The following COL4A4 variants were observed in gnomAD, a reference collection of about 807,000 sequenced individuals.
COL4A4 encodes collagen alpha-4(IV) chain.
A neutral mutation model predicts 192.9 loss-of-function variants in COL4A4; 105 were observed. That is an observed-to-expected ratio of 0.54 (90% CI 0.46 to 0.64). The LOEUF (loss-of-function observed/expected upper bound fraction) is 0.64. Among genes scored for constraint, COL4A4 ranks in the 30% least tolerant of loss-of-function variants. The pLI is 0.00. For synonymous variants in COL4A4, 762 were observed against 769.9 expected (o/e 0.99, Z 0.17); for missense variants, 1,967 against 2,169.3 (o/e 0.91, Z 1.85).
chr2:226,970,433 T>G, the COL4A4 span, among the ~76,000 whole-genome samples: 1 of 152,202 alleles, frequency 6.6e-6, no homozygotes, highest in Non-Finnish European at 1.5e-5. Context: ...GATATGAGTC[T>G]CATGATATGG....
chr2:227,042,378 T>C, intron 36 of COL4A4, 123 bp from the exon 37 acceptor site: 3 of 680,916 alleles, frequency 4.4e-6, no homozygotes, highest in South Asian at 1.6e-5. Flanking sequence ...TTTTTCTTCC[T>C]ATACATCTTA....
rs758988774 is a variant in COL4A4 at position 227,047,426 on chromosome 2, C to A, written c.3289+49G>T. ...AGCTAGAAGTAATTGTTCTGCTTTTCAAACTAAACTACTTTTTTTGTTTTA... is the reference window on the plus strand; with the variant it reads ...AGCTAGAAGTAATTGTTCTGCTTTTAAAACTAAACTACTTTTTTTGTTTTA... On this transcript the variant is annotated intron_variant, in intron 35 of 47. Coordinates refer to ENST00000396625, the MANE Select transcript of COL4A4 (RefSeq NM_000092.5). 2.2e-6 allele frequency: 3 copies of A among 1,351,782 alleles called. No homozygotes were observed. The African/African-American group carries it at 4.3e-5, about 19-fold the overall frequency. The allele number at this position is 1,351,782 out of a possible 1,614,324, so 83.7% of individuals were successfully genotyped here.
intron 1 of COL4A4, among the ~76,000 whole-genome samples, chr2:227,156,793 T>C (rs2064390531): frequency 6.6e-6 from 1 of 152,124 alleles, no homozygotes; most frequent in South Asian, 2.1e-4. Context: ...CAGGAAGCTA[T>C]AAATATTAAT....
intron 20 of COL4A4, among the ~76,000 whole-genome samples, chr2:227,090,990 C>A (rs1406690645): frequency 6.7e-6 from 1 of 149,962 alleles, no homozygotes; most frequent in Non-Finnish European, 1.5e-5. Flanking sequence ...GGAATAAGAA[C>A]AACAGTGAGG....
chr2:227,109,019 T>C, intron 10 of COL4A4, 151 bp from the exon 11 acceptor site: 2 of 930,226 alleles, frequency 2.2e-6, no homozygotes, highest in South Asian at 1.3e-5. Context: ...TGGGCTGTTT[T>C]CTGTGAAGAT....
intron 25 of COL4A4, among the ~76,000 whole-genome samples, chr2:227,068,155 A>G (rs2058468695): frequency 6.7e-6 from 1 of 149,708 alleles, no homozygotes. Context: ...ACACTCTCCC[A>G]AGACTAAACC....
chr2:227,154,136 T>G (rs969851693), intron 1 of COL4A4, among the ~76,000 whole-genome samples: 1 of 152,222 alleles, frequency 6.6e-6, no homozygotes, highest in Admixed American at 6.5e-5. Flanking sequence ...ATTTCCAGCA[T>G]GTACATTCAG....
downstream of COL4A4, among the ~76,000 whole-genome samples, chr2:226,999,926 A>G (rs1479507582): frequency 1.3e-5 from 2 of 152,176 alleles, no homozygotes; most frequent in Non-Finnish European, 2.9e-5. Flanking sequence ...TTCTCTCACT[A>G]TTTCCCCCTT....
intron 9 of COL4A4, 132 bp downstream of exon 9, chr2:227,111,545 CA>C: frequency 1.1e-6 from 1 of 950,120 alleles, no homozygotes. Flanking sequence ...AATTTTTGAA[CA>C]GGGAACCCAC....
At chr2:227,033,548 C>A in intron 37 of COL4A4, 67 bp from the exon 38 acceptor site, 1 of 1,397,952 alleles carries the variant, frequency 7.2e-7, no homozygotes, top group Non-Finnish European at 1.0e-6. Flanking sequence ...TAGCCACAAA[C>A]GCAGGCACTG....
rs2060621705 is a variant in COL4A4, at chr2:227,103,158, G to T, written c.856C>A (p.Pro286Thr). Residue 286 changes from proline to threonine, a missense_variant, in exon 14 of 48, where the codon CCA (proline) becomes ACA (threonine). By Grantham distance (38) the Pro-to-Thr change is conservative (BLOSUM62 -1). Coordinates refer to ENST00000396625, the MANE Select transcript of COL4A4 (RefSeq NM_000092.5). ...GIPGMVGLPG[P>T]PGRKGESGIG... ...AAATAAACTACCTTGCGTCCTGGTG[G>T]TCCTGGCAGTCCAACCATTCCAGGA... The T allele has an allele frequency of 6.2e-7, 1 of 1,611,914 alleles. No individual in the cohort carries two copies. Among genetic ancestry groups the T allele is most frequent in the Non-Finnish European group, 8.5e-7 (1 of 1,179,242 alleles).
In COL4A4 at chr2:227,114,597, T is replaced by A. The variant is rs374898945; in HGVS notation, c.558+31A>T. ...GGGCTTACCTATTTGGAAGAAAAAA[T>A]TTTTTAACCCATCATGATCATAATA... On this transcript the variant is annotated intron_variant, in intron 8 of 47. Transcript: ENST00000396625. 362 of 1,592,586 alleles carry A rather than the reference T, an allele frequency of 2.3e-4. 1 individual carries two copies. The African/African-American group carries it at 3.2e-3, about 14-fold the overall frequency.
At chr2:226,991,822 A>G in the COL4A4 span, among the ~76,000 whole-genome samples, 1 of 152,200 alleles carries the variant, frequency 6.6e-6, no homozygotes, top group African/African-American at 2.4e-5. Context: ...AGGACCCTGG[A>G]AGTCCCCTTT....
At chr2:227,158,911 A>G (rs2064574432) in intron 1 of COL4A4, among the ~76,000 whole-genome samples, 1 of 152,208 alleles carries the variant, frequency 6.6e-6, no homozygotes, top group African/African-American at 2.4e-5. Flanking sequence ...TATTTCTTTT[A>G]TAATTAAATG....
At chr2:227,088,320 G>A (rs1348510512) in intron 22 of COL4A4, among the ~76,000 whole-genome samples, 2 of 152,094 alleles carry the variant, frequency 1.3e-5, no homozygotes, top group African/African-American at 2.4e-5. Flanking sequence ...GTTGAGGGAG[G>A]GACCTGGTAG....
chr2:227,032,737 A>G lies in COL4A4; in HGVS notation c.3578-461T>C, dbSNP rs372143656. The stretch of plus-strand genomic sequence containing the variant: ...TCTACTAAATGAATCTTAAGTGACT[A>G]TATTACTGGATCTTCCAAACTAGAA... On this transcript the variant is annotated intron_variant, in intron 38 of 47. Transcript: ENST00000396625. Among the ~76,000 whole-genome samples, 13 of 152,320 alleles carry G rather than the reference A, an allele frequency of 8.5e-5. No homozygotes were observed. In the East Asian group the frequency reaches 2.3e-3, roughly 27 times the overall value.
the COL4A4 span, among the ~76,000 whole-genome samples, chr2:226,992,191 G>T: frequency 6.6e-6 from 1 of 152,228 alleles, no homozygotes; most frequent in Admixed American, 6.5e-5. Flanking sequence ...AGAAGACAGA[G>T]TGTACCTGAG....
At chr2:226,993,116 G>GA in the COL4A4 span, among the ~76,000 whole-genome samples, 1 of 152,232 alleles carries the variant, frequency 6.6e-6, no homozygotes, top group East Asian at 1.9e-4. Context: ...CTCCTTTTGA[G>GA]AGCTGGACCT....
At chr2:227,143,082 G>A (rs900100503) in intron 3 of COL4A4, among the ~76,000 whole-genome samples, 1 of 152,052 alleles carries the variant, frequency 6.6e-6, no homozygotes, top group Non-Finnish European at 1.5e-5. Context: ...ACACACTTTT[G>A]GTGATTTGGA....
Sources: allele counts gnomAD v4.1 joint callset (sites outside exome capture counted in the v4.1 genomes callset), GRCh38; gene constraint gnomAD v4.1.1; transcripts MANE v1.5; gene names NCBI Gene and HGNC (gene_info 2026-07-23, HGNC 2026-07-21).